PCYT1B: variants seen among roughly 807,000 people sequenced by gnomAD.
PCYT1B encodes choline-phosphate cytidylyltransferase B.
PCYT1B carries 10 observed loss-of-function variants against 26.4 expected under a neutral mutation model. That is an observed-to-expected ratio of 0.38 (90% confidence interval 0.23 to 0.64). PCYT1B has a LOEUF of 0.64. Ranked by LOEUF, PCYT1B falls within the 30% of genes least tolerant of loss-of-function variation. The pLI, the probability that PCYT1B is intolerant of heterozygous loss-of-function variation, is 0.56. For missense variants in PCYT1B, 161 were observed against 292.7 expected (o/e 0.55, Z 3.28); for synonymous variants, 131 against 108.4 (o/e 1.21, Z -1.29).
At chrX:24,563,512 G>T (rs375807714) in intron 7 of PCYT1B, among the ~76,000 whole-genome samples, 1 of 111,795 alleles carries the variant, frequency 8.9e-6, no homozygotes, top group African/African-American at 3.3e-5. Context: ...TGAGGGAGGC[G>T]GTTGGGAAGA....
chrX:24,573,989 G>T (rs1202591575), intron 7 of PCYT1B, among the ~76,000 whole-genome samples: 1 of 111,154 alleles, frequency 9.0e-6, no homozygotes, highest in Non-Finnish European at 1.9e-5. Context: ...GTTAAGCAAA[G>T]CATCTCTCCC....
At chrX:24,657,352 T>C (rs1205075395) in intron 1 of PCYT1B, among the ~76,000 whole-genome samples, 1 of 112,227 alleles carries the variant, frequency 8.9e-6, no homozygotes, top group Non-Finnish European at 1.9e-5. Flanking sequence ...ATTCCTCACT[T>C]ATATTTGAGC....
chrX:24,669,299 G>A (rs1046183846), intron 1 of PCYT1B, among the ~76,000 whole-genome samples: 1 of 109,728 alleles, frequency 9.1e-6, no homozygotes, highest in Admixed American at 9.8e-5. Flanking sequence ...GGCAGATCAC[G>A]TGAGGTCAGG....
At chrX:24,586,808 G>A (rs184199763) in intron 5 of PCYT1B, among the ~76,000 whole-genome samples, 2 of 111,462 alleles carry the variant, frequency 1.8e-5, no homozygotes, top group African/African-American at 6.5e-5. Context: ...CTAGAAATAT[G>A]GCAGGACTAA....
chrX:24,593,350 TTTC>T (rs1924634332), intron 3 of PCYT1B, among the ~76,000 whole-genome samples: 1 of 109,956 alleles, frequency 9.1e-6, no homozygotes, highest in African/African-American at 3.3e-5. Flanking sequence ...TCTTTCTTTG[TTTC>T]TTTCTTTCTT....
At chrX:24,623,484 G>A (rs1602188478) in intron 1 of PCYT1B, among the ~76,000 whole-genome samples, 3 of 107,781 alleles carry the variant, frequency 2.8e-5, no homozygotes, top group African/African-American at 1.0e-4. Context: ...CTGGCCCAGT[G>A]CCCTGGACCT....
chrX:24,610,839 A>G (rs978230461), intron 2 of PCYT1B, among the ~76,000 whole-genome samples: 7 of 111,709 alleles, frequency 6.3e-5, no homozygotes, highest in Non-Finnish European at 1.3e-4. Context: ...CTTCAAGGCA[A>G]AAAAGAGAGA....
intron 1 of PCYT1B, among the ~76,000 whole-genome samples, chrX:24,662,431 A>G (rs965240357): frequency 9.0e-6 from 1 of 111,182 alleles, no homozygotes. Context: ...ACATCCTACA[A>G]TGCACAGGAC....
At chrX:24,621,345 A>C (rs1189220012) in intron 1 of PCYT1B, among the ~76,000 whole-genome samples, 5 of 112,051 alleles carry the variant, frequency 4.5e-5, no homozygotes, top group African/African-American at 6.5e-5. Context: ...TATGTGTAAC[A>C]TACCTGGTAC....
At chrX:24,567,404 G>A (rs1316104822) in intron 7 of PCYT1B, among the ~76,000 whole-genome samples, 1 of 112,227 alleles carries the variant, frequency 8.9e-6, no homozygotes, top group Non-Finnish European at 1.9e-5. Context: ...CCTTGCAAAG[G>A]AGCGGAATTC....
intron 3 of PCYT1B, among the ~76,000 whole-genome samples, chrX:24,602,103 C>T (rs1009643573): frequency 2.7e-5 from 3 of 112,341 alleles, no homozygotes; most frequent in Admixed American, 1.9e-4. Flanking sequence ...ACTAAGATGT[C>T]CTTCGGCAGA....
intron 3 of PCYT1B, among the ~76,000 whole-genome samples, chrX:24,593,441 CTTTCT>C (rs200527762): frequency 0.037 from 2,117 of 56,545 alleles, 32 homozygotes; most frequent in Middle Eastern, 0.058. Context: ...TCCTTTCTTT[CTTTCT>C]TTTCTTTTCT....
chrX:24,606,053 C>CAA lies in PCYT1B; in HGVS notation c.334+1690_334+1691dup, dbSNP rs35072094. Among the ~76,000 whole-genome samples, 169 of 52,179 alleles carry CAA rather than the reference C, an allele frequency of 3.2e-3. 1 individual carries two copies. The highest frequency in any genetic ancestry group is 0.013 in the Middle Eastern group (1 of 75). 45.3% of individuals were successfully genotyped at this position (52,179 alleles called of 115,157 possible). ...TGGGTGACAGAGCAAGACTCCATCT[C>CAA]AAAAAAAAAAAAAAAAAAAAGAAAG... On this transcript the variant is annotated intron_variant, in intron 3 of 7. Coordinates refer to ENST00000379144, the MANE Select transcript of PCYT1B (RefSeq NM_004845.5).
At chrX:24,667,786 T>C (rs1326170781) in intron 1 of PCYT1B, among the ~76,000 whole-genome samples, 1 of 111,851 alleles carries the variant, frequency 8.9e-6, no homozygotes, top group African/African-American at 3.2e-5. Flanking sequence ...TTCAGATATC[T>C]AAGCTTCATA....
chrX:24,579,803 G>A (rs1193105312), intron 5 of PCYT1B, among the ~76,000 whole-genome samples: 1 of 111,750 alleles, frequency 8.9e-6, no homozygotes, highest in Non-Finnish European at 1.9e-5. Flanking sequence ...CCAGCTTCAA[G>A]GTTATGCCTC....
At chrX:24,655,715 G>A (rs896220583) in intron 1 of PCYT1B, among the ~76,000 whole-genome samples, 1 of 110,997 alleles carries the variant, frequency 9.0e-6, no homozygotes, top group Admixed American at 9.6e-5. Flanking sequence ...CCTGGAAGGC[G>A]GAGGGTTGCA....
At chrX:24,623,366 T>TATATATATAC (rs1251541849) in intron 1 of PCYT1B, among the ~76,000 whole-genome samples, 1 of 13,519 alleles carries the variant, frequency 7.4e-5, no homozygotes, top group Non-Finnish European at 1.3e-4. Context: ...GAGATTTACA[T>TATATATATAC]ATATATATAT....
intron 2 of PCYT1B, among the ~76,000 whole-genome samples, chrX:24,609,370 C>T (rs1180356111): frequency 9.0e-6 from 1 of 111,258 alleles, no homozygotes; most frequent in Non-Finnish European, 1.9e-5. Flanking sequence ...AGGGTTTCAC[C>T]ATGGTGGCCA....
At chrX:24,631,173 C>T (rs183187406) in intron 1 of PCYT1B, among the ~76,000 whole-genome samples, 6 of 110,904 alleles carry the variant, frequency 5.4e-5, no homozygotes, top group East Asian at 2.9e-4. Flanking sequence ...CCGCCTGCCT[C>T]GGCCTCCCAA....
Sources: allele counts gnomAD v4.1 joint callset (sites outside exome capture counted in the v4.1 genomes callset), GRCh38; gene constraint gnomAD v4.1.1; transcripts MANE v1.5; gene names NCBI Gene and HGNC (gene_info 2026-07-23, HGNC 2026-07-21).